The following BCKDHB variants were observed in gnomAD, a reference collection of about 807,000 sequenced individuals.
BCKDHB encodes the protein branched chain keto acid dehydrogenase E1 subunit beta.
In BCKDHB, 41 loss-of-function variants were observed where a neutral mutation model predicts 48.5. The ratio of observed to expected loss-of-function variants is 0.85; its 90% CI spans 0.66 to 1.10. The LOEUF (loss-of-function observed/expected upper bound fraction) is 1.10, where lower values mean the gene tolerates loss of function less well. Ranked by LOEUF, BCKDHB falls within the 50% of genes least tolerant of loss-of-function variation. The probability of loss-of-function intolerance (pLI) is 0.00; values close to 1 mark genes in which losing one functional copy is unlikely to be tolerated. For missense variants in BCKDHB, 496 were observed against 494.2 expected, an observed-to-expected ratio of 1.00 and a Z score of -0.03; for synonymous variants, 201 against 174.8, an observed-to-expected ratio of 1.15 and a Z score of -1.18.
chr6:80,417,823 C>A, the BCKDHB span, among the ~76,000 whole-genome samples: 1 of 152,138 alleles, frequency 6.6e-6, no homozygotes, highest in South Asian at 2.1e-4. Context: ...GGATAATCTT[C>A]TTTTGGAGTA....
intron 9 of BCKDHB, among the ~76,000 whole-genome samples, chr6:80,343,087 T>G (rs1465993107): frequency 3.3e-5 from 5 of 152,098 alleles, no homozygotes; most frequent in Admixed American, 1.3e-4. Context: ...AACCTGAGAT[T>G]TGTACACACA....
the BCKDHB span, among the ~76,000 whole-genome samples, chr6:80,361,418 G>A: frequency 3.3e-5 from 5 of 152,178 alleles, no homozygotes; most frequent in African/African-American, 1.2e-4. Flanking sequence ...CATTTGACAG[G>A]TCCCTCTCTC....
intron 9 of BCKDHB, among the ~76,000 whole-genome samples, chr6:80,302,998 G>A (rs1235159605): frequency 6.6e-6 from 1 of 152,038 alleles, no homozygotes; most frequent in African/African-American, 2.4e-5. Flanking sequence ...CTTAAAAAAA[G>A]AGCAGAATTT....
At chr6:80,371,831 T>C in the BCKDHB span, among the ~76,000 whole-genome samples, 1 of 152,140 alleles carries the variant, frequency 6.6e-6, no homozygotes, top group Non-Finnish European at 1.5e-5. Flanking sequence ...TTCTGTTCCA[T>C]TGGTCTATAT....
chr6:80,318,222 G>A (rs1438670853), intron 9 of BCKDHB, among the ~76,000 whole-genome samples: 1 of 152,184 alleles, frequency 6.6e-6, no homozygotes, highest in Non-Finnish European at 1.5e-5. Flanking sequence ...AAGATGTGGG[G>A]AGAATTGGAT....
the BCKDHB span, among the ~76,000 whole-genome samples, chr6:80,358,434 C>G: frequency 6.6e-6 from 1 of 152,030 alleles, no homozygotes; most frequent in Non-Finnish European, 1.5e-5. Flanking sequence ...ATTTTGGTTT[C>G]TCTCTTTTGC....
chr6:80,193,456 C>T (rs763803964), intron 6 of BCKDHB, among the ~76,000 whole-genome samples: 7 of 152,030 alleles, frequency 4.6e-5, no homozygotes, highest in South Asian at 2.1e-4. Flanking sequence ...TGATGGCTCA[C>T]GCCTGTAATC....
chr6:80,427,447 T>C, the BCKDHB span, among the ~76,000 whole-genome samples: 1 of 152,130 alleles, frequency 6.6e-6, no homozygotes, highest in Admixed American at 6.5e-5. Flanking sequence ...CCAAGATACA[T>C]TGCTATTATT....
At chr6:80,112,022 C>T (rs1336574556) in intron 1 of BCKDHB, among the ~76,000 whole-genome samples, 1 of 152,144 alleles carries the variant, frequency 6.6e-6, no homozygotes, top group African/African-American at 2.4e-5. Context: ...CCAGTGCCAG[C>T]TTGTTTAGTA....
chr6:80,116,212 T>C (rs997913023), intron 1 of BCKDHB, among the ~76,000 whole-genome samples: 1 of 152,200 alleles, frequency 6.6e-6, no homozygotes, highest in African/African-American at 2.4e-5. Context: ...TACTGCATAG[T>C]TATTAAAGAC....
chr6:80,333,034 C>T (rs1345863782), intron 9 of BCKDHB, among the ~76,000 whole-genome samples: 1 of 152,106 alleles, frequency 6.6e-6, no homozygotes, highest in Admixed American at 6.6e-5. Context: ...AGGAATTAAA[C>T]GGCTAAGCTT....
At chr6:80,142,212 T>C (rs192440164) in intron 3 of BCKDHB, among the ~76,000 whole-genome samples, 7 of 152,160 alleles carry the variant, frequency 4.6e-5, no homozygotes, top group Admixed American at 2.6e-4. Flanking sequence ...GAAATTTATT[T>C]TATTGAGTAA....
chr6:80,296,945 A>T (rs1243529398), intron 9 of BCKDHB, among the ~76,000 whole-genome samples: 1 of 152,160 alleles, frequency 6.6e-6, no homozygotes, highest in Non-Finnish European at 1.5e-5. Context: ...CTTTCTTTAC[A>T]CAGCTTGCAT....
intron 8 of BCKDHB, among the ~76,000 whole-genome samples, chr6:80,216,897 T>G (rs1775197485): frequency 6.6e-6 from 1 of 152,146 alleles, no homozygotes; most frequent in Admixed American, 6.5e-5. Flanking sequence ...ACTTAAAAAT[T>G]TATTGAAACT....
intron 1 of BCKDHB, among the ~76,000 whole-genome samples, chr6:80,113,572 G>C (rs1311350715): frequency 6.6e-6 from 1 of 152,190 alleles, no homozygotes; most frequent in Non-Finnish European, 1.5e-5. Context: ...CCCCTGTATG[G>C]AGCAGAGAGG....
intron 3 of BCKDHB, among the ~76,000 whole-genome samples, chr6:80,132,279 T>G (rs911203010): frequency 2.0e-5 from 3 of 152,060 alleles, no homozygotes; most frequent in African/African-American, 7.2e-5. Context: ...CGCTGCACCT[T>G]TTAAATCTTG....
the BCKDHB span, among the ~76,000 whole-genome samples, chr6:80,426,291 T>C: frequency 0.88 from 134,475 of 152,080 alleles, 59,807 homozygotes; most frequent in East Asian, 0.95. Context: ...TTCTAAAAAC[T>C]GGGACTTAGC....
At chr6:80,266,626 G>A (rs1008143931) in intron 8 of BCKDHB, among the ~76,000 whole-genome samples, 3 of 152,004 alleles carry the variant, frequency 2.0e-5, no homozygotes, top group South Asian at 2.1e-4. Context: ...CTGCGAACTC[G>A]TTATTCTAAA....
chr6:80,352,022 T>TGTTAATCAG, the BCKDHB span, among the ~76,000 whole-genome samples: 13 of 152,104 alleles, frequency 8.5e-5, no homozygotes, highest in African/African-American at 3.1e-4. Context: ...GGTTTCTCCA[T>TGTTAATCAG]GTTAATCAGG....
Sources: allele counts gnomAD v4.1 joint callset (sites outside exome capture counted in the v4.1 genomes callset), GRCh38; gene constraint gnomAD v4.1.1; transcripts MANE v1.5; gene names NCBI Gene and HGNC (gene_info 2026-07-23, HGNC 2026-07-21).